The following CIT variants were observed in gnomAD, a reference collection of about 807,000 sequenced individuals.
CIT encodes citron rho-interacting serine/threonine kinase.
In CIT, 79 loss-of-function variants were observed where a neutral mutation model predicts 272.7. The ratio of observed to expected loss-of-function variants is 0.29; its 90% CI spans 0.24 to 0.35. The LOEUF is 0.35. Ranked by LOEUF, CIT falls within the 10% of genes least tolerant of loss-of-function variation. The probability of loss-of-function intolerance (pLI) is 1.00; values close to 1 mark genes in which losing one functional copy is unlikely to be tolerated. For missense variants in CIT, 1,909 were observed against 2,618.3 expected (o/e 0.73, Z 5.91); for synonymous variants, 948 against 995.6 (o/e 0.95, Z 0.90).
intron 23 of CIT, among the ~76,000 whole-genome samples, chr12:119,745,276 A>T (rs746503219): frequency 1.3e-5 from 2 of 148,200 alleles, no homozygotes; most frequent in Non-Finnish European, 3.0e-5. Flanking sequence ...AGAAAGACAG[A>T]TTTCTCACCA....
At chr12:119,802,303 A>G (rs970554958) in intron 10 of CIT, among the ~76,000 whole-genome samples, 1 of 152,136 alleles carries the variant, frequency 6.6e-6, no homozygotes, top group African/African-American at 2.4e-5. Context: ...TCATTGTATC[A>G]TGAGAGAATG....
intron 10 of CIT, among the ~76,000 whole-genome samples, chr12:119,788,598 C>T (rs1329741054): frequency 6.6e-6 from 1 of 152,106 alleles, no homozygotes; most frequent in East Asian, 1.9e-4. Context: ...AGAAGGCTGG[C>T]CCCAGTAGGG....
Position 119,803,223 on chromosome 12 carries a change from C to T in CIT, c.1278G>A (p.Gly426=). ...FVGFSYSKAL[G]ILGRSESVVS... ...TCACTTACTCAGATCTACCAAGAAT[C>T]CCCAGTGCCTTGCTGTACGAAAACC... Residue 426 remains glycine, a synonymous_variant, in exon 10 of 48, where the codon GGG becomes GGA. Coordinates refer to ENST00000392521, the MANE Select transcript of CIT (RefSeq NM_001206999.2). The T allele has an allele frequency of 6.9e-7, 1 of 1,456,934 alleles. No homozygotes were observed. Among genetic ancestry groups the T allele is most frequent in the Non-Finnish European group, 9.2e-7 (1 of 1,090,226 alleles). 90.3% of individuals were successfully genotyped at this position (1,456,934 alleles called of 1,614,324 possible). A position where few individuals can be genotyped will look rare whatever the true frequency, so the allele number is the denominator to read the frequency against.
At chr12:119,747,313 C>A (rs1014589392) in intron 23 of CIT, among the ~76,000 whole-genome samples, 2 of 151,800 alleles carry the variant, frequency 1.3e-5, no homozygotes, top group Non-Finnish European at 2.9e-5. Context: ...CCCAGCTACT[C>A]AGGAGGCTGA....
chr12:119,784,833 G>C lies in CIT; in HGVS notation c.1401+127C>G, dbSNP rs970205165. ...TGCTGGAGGCGCGACTTCAGCGAAG[G>C]CAGGAGCGCCTCACTCTCTACGGAT... On this transcript the variant is annotated intron_variant, in intron 11 of 47. Transcript: ENST00000392521. The surrounding 1 kb of genome is among the most constrained non-coding windows in gnomAD (Gnocchi z 4.7). 2.1e-6 allele frequency: 3 copies of C among 1,454,138 alleles called. No homozygotes were observed. Among genetic ancestry groups the C allele is most frequent in the Non-Finnish European group, 2.7e-6 (3 of 1,103,336 alleles). 90.1% of individuals were successfully genotyped at this position (1,454,138 alleles called of 1,614,324 possible). A position where few individuals can be genotyped will look rare whatever the true frequency, so the allele number is the denominator to read the frequency against.
chr12:119,819,938 G>A (rs1244402239), intron 9 of CIT, among the ~76,000 whole-genome samples: 1 of 152,188 alleles, frequency 6.6e-6, no homozygotes, highest in Admixed American at 6.5e-5. Flanking sequence ...AGACACTGAA[G>A]TTAATACCAT....
At chr12:119,769,087 T>A (rs1479658929) in intron 18 of CIT, among the ~76,000 whole-genome samples, 2 of 152,118 alleles carry the variant, frequency 1.3e-5, no homozygotes, top group African/African-American at 2.4e-5. Flanking sequence ...TTTTTTTTTT[T>A]TTTCCAGTTT....
At chr12:119,689,740 C>T (rs375423238) in intron 47 of CIT, among the ~76,000 whole-genome samples, 36 of 137,330 alleles carry the variant, frequency 2.6e-4, no homozygotes, top group African/African-American at 9.2e-4. Context: ...TGCAGTGGCG[C>T]GATCTCGGCT....
chr12:119,803,457 C>A (rs540326649), intron 9 of CIT, 68 bp from the exon 10 acceptor site: 1 of 1,168,984 alleles, frequency 8.6e-7, no homozygotes, highest in Non-Finnish European at 1.2e-6. Flanking sequence ...AACACTGTTG[C>A]GGAGAAGATC....
Position 119,714,663 on chromosome 12 carries a change from G to A in CIT, c.4169-329C>T, listed in dbSNP as rs555295972. Among the ~76,000 whole-genome samples the A allele has an allele frequency of 2.6e-5, 4 of 152,222 alleles. No individual in the cohort carries two copies. The South Asian group carries it at 8.3e-4, about 32-fold the overall frequency. ...CTTCACAACCACTAGGATGTCTACA[G>A]TCTAAAAAAAGGAAGATAAGTGTTG... On this transcript the variant is annotated intron_variant, in intron 32 of 47. Transcript: ENST00000392521.
chr12:119,744,430 G>A (rs902394251), intron 23 of CIT, among the ~76,000 whole-genome samples: 14 of 151,316 alleles, frequency 9.3e-5, no homozygotes, highest in Non-Finnish European at 1.8e-4. Context: ...TCCATAAGAA[G>A]GTCTATAGGA....
intron 9 of CIT, among the ~76,000 whole-genome samples, chr12:119,817,821 T>C (rs1463972989): frequency 6.6e-6 from 1 of 151,346 alleles, no homozygotes. Flanking sequence ...ATATCTGTAA[T>C]CCCATCACTT....
Position 119,735,972 on chromosome 12 carries a change from A to G in CIT, c.2959-615T>C, listed in dbSNP as rs115767791. On this transcript the variant is annotated intron_variant, in intron 24 of 47. Coordinates refer to ENST00000392521, the MANE Select transcript of CIT (RefSeq NM_001206999.2). Reference sequence around the variant, plus strand: ...TGGCATGACTTTAATGGATTTTACTATACAGTTGGCTATCAGACAATGGGA... The same window carrying G: ...TGGCATGACTTTAATGGATTTTACTGTACAGTTGGCTATCAGACAATGGGA... Among the ~76,000 whole-genome samples, 817 of 152,360 alleles carry G rather than the reference A, an allele frequency of 5.4e-3. 7 individuals carry two copies. Among genetic ancestry groups the G allele is most frequent in the African/African-American group, 0.019 (792 of 41,574 alleles).
At position 119,701,689 on chromosome 12, in the gene CIT, A is replaced by G. The variant is rs763011355; in HGVS notation, c.5477T>C (p.Phe1826Ser). The G allele has an allele frequency of 6.2e-7, 1 of 1,614,194 alleles. No individual in the cohort carries two copies. The highest frequency in any genetic ancestry group is 8.5e-7 in the Non-Finnish European group (1 of 1,180,040). The change falls in exon 43 of 48, where the codon TTC (phenylalanine) becomes TCC (serine). Residue 1826 changes from phenylalanine (F) to serine (S), a missense_variant. Transcript: ENST00000392521. ...GTTCACCTGCACGATTGAGACAGGG[A>G]AGCTGTTGGAAGAGGCGGCAAACAC... Reference protein sequence around the residue: ...PAVFAASSNSFPVSIVQVNSA... With the variant: ...PAVFAASSNSSPVSIVQVNSA...
At chr12:119,823,821 C>A (rs1374261368) in intron 8 of CIT, among the ~76,000 whole-genome samples, 1 of 151,874 alleles carries the variant, frequency 6.6e-6, no homozygotes, top group Non-Finnish European at 1.5e-5. Context: ...AGGCGGATCA[C>A]CTAAGGTCAA....
At chr12:119,716,437 G>A (rs1432438424) in intron 32 of CIT, among the ~76,000 whole-genome samples, 1 of 129,100 alleles carries the variant, frequency 7.7e-6, no homozygotes, top group Non-Finnish European at 1.6e-5. Flanking sequence ...GATTCAAGGA[G>A]TTATATAAAC....
chr12:119,867,536 C>CA (rs1489620773), intron 3 of CIT, among the ~76,000 whole-genome samples: 7 of 152,254 alleles, frequency 4.6e-5, no homozygotes, highest in African/African-American at 1.7e-4. Flanking sequence ...GTTGGTTGCA[C>CA]AGCAATGTTG....
At chr12:119,764,744 A>C (rs1962211030) in intron 19 of CIT, among the ~76,000 whole-genome samples, 1 of 152,208 alleles carries the variant, frequency 6.6e-6, no homozygotes, top group Non-Finnish European at 1.5e-5. Flanking sequence ...GAAACAAAGA[A>C]ATAGAAAATA....
At chr12:119,741,455 C>T (rs1959054640) in intron 24 of CIT, among the ~76,000 whole-genome samples, 1 of 152,118 alleles carries the variant, frequency 6.6e-6, no homozygotes, top group South Asian at 2.1e-4. Context: ...TTTTATTGAG[C>T]TGTATACTTA....
Sources: gnomAD v4.1 joint callset for allele counts (sites outside exome capture counted in the v4.1 genomes callset) on GRCh38, gnomAD v4.1.1 for gene constraint, Gnocchi (gnomAD v3.1) non-coding constraint, MANE v1.5 for transcripts, NCBI Gene and HGNC (gene_info 2026-07-23, HGNC 2026-07-21) for gene names.